WWC1: variants seen among roughly 807,000 people sequenced by gnomAD.
WWC1 encodes the protein WW and C2 domain containing 1.
Under a neutral mutation model 138.4 loss-of-function variants are expected in WWC1, and 55 were observed. The ratio of observed to expected loss-of-function variants is 0.40; its 90% CI spans 0.32 to 0.50. WWC1 has a LOEUF of 0.50. Ranked by LOEUF, WWC1 falls within the 20% of genes least tolerant of loss-of-function variation. The probability of loss-of-function intolerance (pLI) is 0.72; values close to 1 mark genes in which losing one functional copy is unlikely to be tolerated. For synonymous variants in WWC1, 524 were observed against 564.9 expected (o/e 0.93, Z 1.03); for missense variants, 1,226 against 1,420.4 (o/e 0.86, Z 2.20).
At chr5:168,297,910 A>G (rs1317798203) in intron 1 of WWC1, among the ~76,000 whole-genome samples, 4 of 152,212 alleles carry the variant, frequency 2.6e-5, no homozygotes, top group Non-Finnish European at 4.4e-5. Flanking sequence ...GTTGTGTCAT[A>G]GGAATTTGCT....
intron 1 of WWC1, among the ~76,000 whole-genome samples, chr5:168,313,723 TC>T (rs967638020): frequency 3.3e-5 from 5 of 152,194 alleles, no homozygotes; most frequent in African/African-American, 1.2e-4. Flanking sequence ...CAATACTACT[TC>T]TGTTGTTTTT....
At chr5:168,454,386 G>A (rs988906556) in intron 18 of WWC1, among the ~76,000 whole-genome samples, 2 of 152,198 alleles carry the variant, frequency 1.3e-5, no homozygotes, top group African/African-American at 4.8e-5. Flanking sequence ...GATACTCCCT[G>A]GCTGTGTAGT....
intron 1 of WWC1, among the ~76,000 whole-genome samples, chr5:168,350,303 T>C (rs947307026): frequency 3.3e-5 from 5 of 152,224 alleles, no homozygotes; most frequent in African/African-American, 1.2e-4. Flanking sequence ...TACTAGTCCA[T>C]AGTGGGTTGT....
chr5:168,457,560 AGG>A (rs1756449372), intron 19 of WWC1, among the ~76,000 whole-genome samples: 3 of 152,182 alleles, frequency 2.0e-5, no homozygotes, highest in Non-Finnish European at 4.4e-5. Context: ...CAGTATATGC[AGG>A]AAAATTTGGG....
At chr5:168,423,148 C>CCCAAAAA (rs1781235840) in intron 10 of WWC1, among the ~76,000 whole-genome samples, 2 of 106,910 alleles carry the variant, frequency 1.9e-5, no homozygotes, top group African/African-American at 8.1e-5. Flanking sequence ...CCATCCCCCC[C>CCCAAAAA]CAAAAAAAAA....
At position 168,410,996 on chromosome 5, in the gene WWC1, G is replaced by A. The variant is rs184180359; in HGVS notation, c.941+1001G>A. Reference sequence around the variant, plus strand: ...GTCACCCAGGATGGAGTGCAGTGGCGCGATCTGCAAGCTCCGCCTCCCGGG... The same window carrying A: ...GTCACCCAGGATGGAGTGCAGTGGCACGATCTGCAAGCTCCGCCTCCCGGG... On this transcript the variant is annotated intron_variant, in intron 8 of 22. Coordinates refer to ENST00000265293, the MANE Select transcript of WWC1 (RefSeq NM_015238.3). Among the ~76,000 whole-genome samples, 1,192 of 145,758 alleles carry A rather than the reference G, an allele frequency of 8.2e-3. 12 individuals are homozygous for A. The highest frequency in any genetic ancestry group is 0.016 in the Admixed American group (228 of 14,422).
At chr5:168,349,949 G>A (rs533277499) in intron 1 of WWC1, among the ~76,000 whole-genome samples, 1 of 152,252 alleles carries the variant, frequency 6.6e-6, no homozygotes, top group South Asian at 2.1e-4. Flanking sequence ...CCATCTTTCT[G>A]GGCCCTCCAA....
intron 13 of WWC1, 145 bp from the exon 14 acceptor site, chr5:168,429,992 A>C: frequency 1.6e-6 from 1 of 627,708 alleles, no homozygotes; most frequent in African/African-American, 1.8e-5. Flanking sequence ...CCTGCATGGC[A>C]GCAAAGCACT....
At chr5:168,331,705 T>C (rs956186051) in intron 1 of WWC1, among the ~76,000 whole-genome samples, 7 of 152,230 alleles carry the variant, frequency 4.6e-5, no homozygotes, top group Non-Finnish European at 1.0e-4. Context: ...TGTGTTTTCA[T>C]TGAAAACCGT....
intron 2 of WWC1, among the ~76,000 whole-genome samples, chr5:168,383,182 C>CA (rs67923145): frequency 0.019 from 2,000 of 106,566 alleles, 28 homozygotes; most frequent in African/African-American, 0.051. Flanking sequence ...ATCTCAAAAA[C>CA]AAAAAAAAAA....
At chr5:168,332,993 G>C (rs2152768572) in intron 1 of WWC1, among the ~76,000 whole-genome samples, 1 of 152,358 alleles carries the variant, frequency 6.6e-6, no homozygotes, top group Non-Finnish European at 1.5e-5. Context: ...ACAGGCATGA[G>C]CCACTGTGCC....
chr5:168,444,139 T>G (rs1284572912), intron 16 of WWC1, among the ~76,000 whole-genome samples: 3 of 152,218 alleles, frequency 2.0e-5, no homozygotes, highest in African/African-American at 7.2e-5. Flanking sequence ...CTATGTCATA[T>G]CCTTACTGTG....
At chr5:168,374,340 A>C (rs1230811923) in intron 2 of WWC1, among the ~76,000 whole-genome samples, 1 of 152,216 alleles carries the variant, frequency 6.6e-6, no homozygotes, top group African/African-American at 2.4e-5. Context: ...GGGGTGGCGA[A>C]GAAAGGGCCG....
intron 21 of WWC1, among the ~76,000 whole-genome samples, chr5:168,466,483 A>C (rs1370730911): frequency 6.6e-6 from 1 of 152,254 alleles, no homozygotes; most frequent in African/African-American, 2.4e-5. Flanking sequence ...CAGGACCATC[A>C]GCTGAAATCT....
chr5:168,305,432 C>G (rs1042070151), intron 1 of WWC1, among the ~76,000 whole-genome samples: 3 of 152,212 alleles, frequency 2.0e-5, no homozygotes, highest in African/African-American at 7.2e-5. Context: ...AGCCCAGGCT[C>G]CATAGCATCC....
chr5:168,407,000 G>C (rs537123134), intron 6 of WWC1, among the ~76,000 whole-genome samples: 39 of 152,068 alleles, frequency 2.6e-4, no homozygotes, highest in African/African-American at 9.2e-4. Context: ...ATGTTGCTCA[G>C]GCTGGTCTTG....
At chr5:168,354,176 G>A (rs975359770) in intron 1 of WWC1, among the ~76,000 whole-genome samples, 7 of 151,674 alleles carry the variant, frequency 4.6e-5, no homozygotes, top group African/African-American at 1.5e-4. Context: ...TCAGCTACCC[G>A]AGTACTTGGG....
At chr5:168,354,592 A>G (rs1775251254) in intron 1 of WWC1, among the ~76,000 whole-genome samples, 1 of 152,202 alleles carries the variant, frequency 6.6e-6, no homozygotes, top group African/African-American at 2.4e-5. Flanking sequence ...TGATGCCTGC[A>G]GTTTATAAGA....
In WWC1 at chr5:168,371,547, G is replaced by A. The variant is rs200959620; in HGVS notation, c.229+14G>A. 30 of 1,596,360 alleles carry A rather than the reference G, an allele frequency of 1.9e-5. No individual in the cohort carries two copies. Among genetic ancestry groups the A allele is most frequent in the East Asian group, 1.3e-4 (6 of 44,726 alleles). ...ACCACAACACCAGTAAGTTCCCGAC[G>A]GTCCTCCCTTCCCTGTGCCCTCTTC... On this transcript the variant is annotated intron_variant, in intron 2 of 22. Transcript: ENST00000265293.
Sources: gnomAD v4.1 joint callset for allele counts (sites outside exome capture counted in the v4.1 genomes callset) on GRCh38, gnomAD v4.1.1 for gene constraint, MANE v1.5 for transcripts, NCBI Gene and HGNC (gene_info 2026-07-23, HGNC 2026-07-21) for gene names.